PPP1R12B: variants seen among roughly 807,000 people sequenced by gnomAD.
PPP1R12B encodes myosin phosphatase target subunit 2.
PPP1R12B carries 76 observed loss-of-function variants against 126.1 expected under a neutral mutation model. The observed-to-expected ratio is 0.60, with a 90% confidence interval of 0.50 to 0.73. The LOEUF is 0.73. Among genes scored for constraint, PPP1R12B ranks in the 30% least tolerant of loss-of-function variants. PPP1R12B has a pLI of 0.00. For synonymous variants in PPP1R12B, 356 were observed against 434.7 expected (o/e 0.82, Z 2.25); for missense variants, 1,052 against 1,205.1 (o/e 0.87, Z 1.88).
intron 15 of PPP1R12B, among the ~76,000 whole-genome samples, chr1:202,494,575 T>C (rs1405099021): frequency 1.5e-5 from 2 of 133,648 alleles, no homozygotes; most frequent in Non-Finnish European, 3.3e-5. Context: ...GTCCTAATTC[T>C]CAGGTTTAAA....
chr1:202,442,715 C>A, intron 12 of PPP1R12B, 143 bp downstream of exon 12: 1 of 911,866 alleles, frequency 1.1e-6, no homozygotes, highest in Non-Finnish European at 1.5e-6. Context: ...GAATTAACAT[C>A]TTGAATAATT....
chr1:202,506,080 T>A lies in PPP1R12B; in HGVS notation c.2490+9258T>A, dbSNP rs868067207. ...CCTGGATTTCTGCAATTGATGACGATGCGCAGTCCCAGGGAAAAAGATAGA... is the reference window on the plus strand; with the variant it reads ...CCTGGATTTCTGCAATTGATGACGAAGCGCAGTCCCAGGGAAAAAGATAGA... On this transcript the variant is annotated intron_variant, in intron 18 of 23. Coordinates refer to ENST00000608999, the MANE Select transcript of PPP1R12B (RefSeq NM_002481.4). 3.9e-5 allele frequency among the ~76,000 whole-genome samples: 6 copies of A among 152,292 alleles called. No individual in the cohort carries two copies. In the Middle Eastern group the frequency reaches 0.01, roughly 259 times the overall value.
intron 1 of PPP1R12B, chr1:202,370,125 G>C: frequency 4.0e-6 from 1 of 249,470 alleles, no homozygotes. Context: ...AACTCTTCTT[G>C]CCTTTCTCAA....
chr1:202,587,342 C>A lies in PPP1R12B; in HGVS notation c.*6782C>A, dbSNP rs1248655652. On this transcript the variant is annotated 3_prime_UTR_variant, in exon 24 of 24. Transcript: ENST00000608999. ...AAGATTCCTGTAGAAGTTGGGTATA[C>A]CAACCACCACCACCACCGCCCCCTA... The A allele has an allele frequency of 6.6e-6, 1 of 152,110 alleles. No homozygotes were observed. Among genetic ancestry groups the A allele is most frequent in the African/African-American group, 2.4e-5 (1 of 41,424 alleles). 9.4% of individuals were successfully genotyped at this position (152,110 alleles called of 1,614,324 possible).
At chr1:202,559,669 A>G (rs1687320650) in intron 19 of PPP1R12B, among the ~76,000 whole-genome samples, 1 of 152,230 alleles carries the variant, frequency 6.6e-6, no homozygotes, top group Non-Finnish European at 1.5e-5. Context: ...ATGGGACTAT[A>G]GGCCAAATGA....
chr1:202,578,970 A>G (rs1245615511), intron 23 of PPP1R12B, among the ~76,000 whole-genome samples: 3 of 152,182 alleles, frequency 2.0e-5, no homozygotes, highest in African/African-American at 4.8e-5. Flanking sequence ...CTGGGATTCA[A>G]TATTAGCTTT....
chr1:202,538,052 G>A (rs1429833854), intron 18 of PPP1R12B, among the ~76,000 whole-genome samples: 3 of 152,220 alleles, frequency 2.0e-5, no homozygotes, highest in Non-Finnish European at 2.9e-5. Context: ...GCAATGGCAC[G>A]ATCTCAAGGC....
chr1:202,575,237 G>A lies in PPP1R12B; in HGVS notation c.2863-5237G>A, dbSNP rs111347186. ...AGCTCTGTGCTCATCCCCTCCATCC[G>A]AGCCTCCATATGCAGGTTCCTGCAA... On this transcript the variant is annotated intron_variant, in intron 23 of 23. Coordinates refer to ENST00000608999, the MANE Select transcript of PPP1R12B (RefSeq NM_002481.4). 3,129 of 1,435,386 alleles carry A rather than the reference G, an allele frequency of 2.2e-3. 39 individuals carry two copies. In the African/African-American group the frequency reaches 0.029, roughly 13 times the overall value. The allele number at this position is 1,435,386 out of a possible 1,614,324, so 88.9% of individuals were successfully genotyped here. A position where few individuals can be genotyped will look rare whatever the true frequency, so the allele number is the denominator to read the frequency against.
At chr1:202,471,897 G>A (rs1367656083) in intron 13 of PPP1R12B, 3 of 1,592,694 alleles carry the variant, frequency 1.9e-6, no homozygotes, top group East Asian at 2.2e-5. Context: ...ACATCCTTCT[G>A]TAAGCCTTGC....
intron 18 of PPP1R12B, chr1:202,501,794 A>T (rs1205974827): frequency 5.3e-6 from 5 of 949,356 alleles, no homozygotes; most frequent in Non-Finnish European, 6.3e-6. Flanking sequence ...GTAGTGAAGC[A>T]AACCTGAAAT....
At chr1:202,357,465 GA>G (rs1184995635) in intron 1 of PPP1R12B, among the ~76,000 whole-genome samples, 1 of 151,968 alleles carries the variant, frequency 6.6e-6, no homozygotes, top group Non-Finnish European at 1.5e-5. Flanking sequence ...ACTTTTGGGA[GA>G]AAAAATATAG....
intron 13 of PPP1R12B, among the ~76,000 whole-genome samples, chr1:202,452,314 A>G (rs1344694424): frequency 4.6e-5 from 7 of 152,308 alleles, no homozygotes; most frequent in Admixed American, 3.9e-4. Flanking sequence ...TCGGGAGGCC[A>G]AGGCTGGCGG....
At chr1:202,418,826 A>G (rs1668420413) in intron 2 of PPP1R12B, among the ~76,000 whole-genome samples, 1 of 152,146 alleles carries the variant, frequency 6.6e-6, no homozygotes, top group African/African-American at 2.4e-5. Context: ...AAAAAAAAAC[A>G]TTGTTTGTAC....
intron 18 of PPP1R12B, among the ~76,000 whole-genome samples, chr1:202,542,324 T>G (rs942436664): frequency 1.7e-4 from 26 of 152,196 alleles, no homozygotes; most frequent in Admixed American, 4.6e-4. Flanking sequence ...CCCTGAAAGG[T>G]GGGTATTGCT....
At chr1:202,524,226 G>A (rs751227045) in intron 18 of PPP1R12B, among the ~76,000 whole-genome samples, 6 of 152,194 alleles carry the variant, frequency 3.9e-5, no homozygotes, top group Non-Finnish European at 7.3e-5. Flanking sequence ...CTTGTGGGAT[G>A]TGACAGAAAG....
At chr1:202,476,381 A>G (rs955826945) in intron 13 of PPP1R12B, among the ~76,000 whole-genome samples, 2 of 151,234 alleles carry the variant, frequency 1.3e-5, no homozygotes, top group Admixed American at 6.6e-5. Flanking sequence ...TATATAATAT[A>G]TAAATATAGT....
intron 13 of PPP1R12B, among the ~76,000 whole-genome samples, chr1:202,481,269 T>G (rs2148819315): frequency 6.6e-6 from 1 of 152,310 alleles, no homozygotes; most frequent in East Asian, 1.9e-4. Flanking sequence ...GAGTACACAT[T>G]GTAACTAACC....
intron 1 of PPP1R12B, among the ~76,000 whole-genome samples, chr1:202,353,485 T>C (rs146835652): frequency 6.6e-6 from 1 of 152,232 alleles, no homozygotes; most frequent in East Asian, 1.9e-4. Context: ...CAAAGCCATA[T>C]TGGGAAATTC....
In PPP1R12B at chr1:202,582,947, T is replaced by C. The variant is rs971406516; in HGVS notation, c.*2387T>C. On this transcript the variant is annotated 3_prime_UTR_variant, in exon 24 of 24. Coordinates refer to ENST00000608999, the MANE Select transcript of PPP1R12B (RefSeq NM_002481.4). ...ATTACAGAACAGGAGATATGTTTCC[T>C]CTGACAAAACCCCATTTTTAGAGTG... The C allele has an allele frequency of 6.6e-6, 1 of 152,202 alleles. No individual in the cohort carries two copies. The highest frequency in any genetic ancestry group is 1.5e-5 in the Non-Finnish European group (1 of 68,040). 9.4% of individuals were successfully genotyped at this position (152,202 alleles called of 1,614,324 possible).
Sources: gnomAD v4.1 joint callset for allele counts (sites outside exome capture counted in the v4.1 genomes callset) on GRCh38, gnomAD v4.1.1 for gene constraint, MANE v1.5 for transcripts, NCBI Gene and HGNC (gene_info 2026-07-23, HGNC 2026-07-21) for gene names.